The following NRG1 variants were observed in gnomAD, a reference collection of about 807,000 sequenced individuals.
The protein encoded by NRG1 is pro-neuregulin-1, membrane-bound isoform.
In NRG1, 18 loss-of-function variants were observed where a neutral mutation model predicts 63.8. The observed-to-expected ratio is 0.28, with a 90% CI of 0.19 to 0.42. NRG1 has a LOEUF of 0.42. Among genes scored for constraint, NRG1 ranks in the 10% least tolerant of loss-of-function variants. The pLI is 1.00. For synonymous variants in NRG1, 302 were observed against 301.3 expected (o/e 1.00, Z -0.02); for missense variants, 762 against 814.7 (o/e 0.94, Z 0.79).
Position 32,742,571 on chromosome 8 carries a change from C to G in NRG1, c.633-104C>G, listed in dbSNP as rs1826608024. 1 of 1,062,652 alleles carries G rather than the reference C, an allele frequency of 9.4e-7. No individual in the cohort carries two copies. The highest frequency in any genetic ancestry group is 1.4e-6 in the Non-Finnish European group (1 of 709,664). The allele number at this position is 1,062,652 out of a possible 1,614,324, so 65.8% of individuals were successfully genotyped here. A position where few individuals can be genotyped will look rare whatever the true frequency, so the allele number is the denominator to read the frequency against. On this transcript the variant is annotated intron_variant, in intron 6 of 11. Coordinates refer to ENST00000356819, the Ensembl canonical transcript of NRG1. The surrounding 1 kb of genome is among the most constrained non-coding windows in gnomAD (Gnocchi z 4.2). ...ATTCAGTTCCTGAGGGTGAACTCAC[C>G]AAGTTTCAGTCAAATGACACTGAAG...
At chr8:32,367,498 A>T (rs1370005812) in intron 1 of NRG1, among the ~76,000 whole-genome samples, 1 of 150,584 alleles carries the variant, frequency 6.6e-6, no homozygotes, top group Non-Finnish European at 1.5e-5. Flanking sequence ...GTGCTTTTAC[A>T]TATTTGGCTT....
At chr8:32,259,315 C>T (rs1284361016) in intron 1 of NRG1, among the ~76,000 whole-genome samples, 1 of 152,192 alleles carries the variant, frequency 6.6e-6, no homozygotes, top group African/African-American at 2.4e-5. Flanking sequence ...TTCATAAATA[C>T]ATTAATGTCA....
At position 32,078,002 on chromosome 8, in the gene NRG1, A is replaced by G. The variant is rs547554299; in HGVS notation, c.37+438571A>G. Among the ~76,000 whole-genome samples, 4 of 152,294 alleles carry G rather than the reference A, an allele frequency of 2.6e-5. No individual in the cohort carries two copies. In the South Asian group the frequency reaches 8.3e-4, roughly 32 times the overall value. ...AGGTCCACTCCACAAATAAATTGTA[A>G]TTGGCCATATAGTAAAATATTTGGT... On this transcript the variant is annotated intron_variant, in intron 1 of 10. Coordinates refer to the NRG1 transcript ENST00000519301.
At chr8:31,709,146 C>CT (rs932549048) in intron 1 of NRG1, among the ~76,000 whole-genome samples, 23 of 140,710 alleles carry the variant, frequency 1.6e-4, no homozygotes, top group African/African-American at 2.6e-4. Flanking sequence ...AACTGTAGTC[C>CT]TTTTTTTTTT....
intron 1 of NRG1, among the ~76,000 whole-genome samples, chr8:31,779,143 TAAG>T: frequency 6.6e-6 from 1 of 152,284 alleles, no homozygotes; most frequent in East Asian, 1.9e-4. Context: ...GGTGGATTCT[TAAG>T]AATCTCTGGA....
intron 1 of NRG1, among the ~76,000 whole-genome samples, chr8:31,703,289 A>G (rs1368817179): frequency 1.3e-5 from 2 of 151,698 alleles, no homozygotes; most frequent in African/African-American, 4.8e-5. Flanking sequence ...ATAGAAATTT[A>G]CTCATTTTAT....
At chr8:32,662,287 C>A (rs1803056879) in intron 5 of NRG1, among the ~76,000 whole-genome samples, 1 of 152,118 alleles carries the variant, frequency 6.6e-6, no homozygotes, top group Non-Finnish European at 1.5e-5. Flanking sequence ...GAAGAATGTT[C>A]CAGACTCTGG....
At chr8:32,201,527 G>C (rs1033538327) in intron 1 of NRG1, among the ~76,000 whole-genome samples, 1 of 152,182 alleles carries the variant, frequency 6.6e-6, no homozygotes, top group African/African-American at 2.4e-5. Context: ...ATATCCCTAA[G>C]AGGTGATTTT....
At chr8:32,217,294 T>C (rs1845346649) in intron 1 of NRG1, among the ~76,000 whole-genome samples, 1 of 150,486 alleles carries the variant, frequency 6.6e-6, no homozygotes, top group East Asian at 2.0e-4. Context: ...TCTGATTTAA[T>C]TGATCTAAGA....
At chr8:31,770,502 C>A (rs932595898) in intron 1 of NRG1, among the ~76,000 whole-genome samples, 1 of 150,106 alleles carries the variant, frequency 6.7e-6, no homozygotes, top group African/African-American at 2.4e-5. Flanking sequence ...TCATTCTCAG[C>A]AAACTATCGC....
intron 2 of NRG1, among the ~76,000 whole-genome samples, chr8:32,599,091 G>A (rs1294784949): frequency 6.6e-6 from 1 of 151,984 alleles, no homozygotes; most frequent in East Asian, 1.9e-4. Flanking sequence ...AAAGTTAGAA[G>A]TCAGAACATA....
intron 1 of NRG1, among the ~76,000 whole-genome samples, chr8:31,668,555 T>C (rs1375506636): frequency 6.6e-6 from 1 of 152,212 alleles, no homozygotes; most frequent in Non-Finnish European, 1.5e-5. Context: ...CAAAGTACTG[T>C]GTCCCCAAAC....
chr8:32,132,839 C>G (rs1423547558), intron 1 of NRG1, among the ~76,000 whole-genome samples: 1 of 152,072 alleles, frequency 6.6e-6, no homozygotes, highest in East Asian at 1.9e-4. Context: ...AACGAAAAAG[C>G]AGTTTAATCA....
chr8:32,720,320 A>G (rs1036734534), intron 5 of NRG1, among the ~76,000 whole-genome samples: 1 of 152,152 alleles, frequency 6.6e-6, no homozygotes, highest in Non-Finnish European at 1.5e-5. Context: ...CCTGGTAGAA[A>G]ATGCAGAGTA....
chr8:32,283,167 G>T (rs1853086408), intron 1 of NRG1, among the ~76,000 whole-genome samples: 1 of 152,060 alleles, frequency 6.6e-6, no homozygotes, highest in Non-Finnish European at 1.5e-5. Flanking sequence ...TTATCTTCTT[G>T]GTTAATATAG....
chr8:32,006,043 A>C (rs189510188), intron 1 of NRG1, among the ~76,000 whole-genome samples: 14 of 152,126 alleles, frequency 9.2e-5, no homozygotes, highest in Admixed American at 9.2e-4. Context: ...AACATGGACA[A>C]AGACAAAACA....
intron 1 of NRG1, among the ~76,000 whole-genome samples, chr8:31,728,119 G>A (rs1489870230): frequency 2.6e-5 from 4 of 152,116 alleles, no homozygotes; most frequent in Non-Finnish European, 5.9e-5. Context: ...TTCAAACCAA[G>A]GGTAACTGAA....
At chr8:32,487,858 C>T (rs1190186852) in intron 1 of NRG1, among the ~76,000 whole-genome samples, 3 of 152,172 alleles carry the variant, frequency 2.0e-5, no homozygotes, top group African/African-American at 7.2e-5. Context: ...TAAGAATGCT[C>T]AGCAGATGGT....
At chr8:32,615,053 T>TC (rs1847103576) in intron 4 of NRG1, among the ~76,000 whole-genome samples, 1 of 111,444 alleles carries the variant, frequency 9.0e-6, no homozygotes, top group Non-Finnish European at 1.8e-5. Flanking sequence ...CTTACAGCCT[T>TC]TAAAAATGCT....
Sources: allele counts gnomAD v4.1 joint callset (sites outside exome capture counted in the v4.1 genomes callset), GRCh38; gene constraint gnomAD v4.1.1; non-coding constraint Gnocchi (gnomAD v3.1); transcripts MANE v1.5; gene names NCBI Gene and HGNC (gene_info 2026-07-23, HGNC 2026-07-21).